The following PCDHGA3 variants were observed in gnomAD, a reference collection of about 807,000 sequenced individuals.
The protein encoded by PCDHGA3 is protocadherin gamma-A3.
Under a neutral mutation model 58.5 loss-of-function variants are expected in PCDHGA3, and 40 were observed. That is an observed-to-expected ratio of 0.68 (90% CI 0.53 to 0.89). The LOEUF is 0.89. PCDHGA3 is among the 40% of genes least tolerant of loss of function. PCDHGA3 has a pLI of 0.00. For synonymous variants in PCDHGA3, 530 were observed against 525.7 expected, an observed-to-expected ratio of 1.01 and a Z score of -0.11; for missense variants, 1,223 against 1,195.9, an observed-to-expected ratio of 1.02 and a Z score of -0.33.
chr5:141,425,661 C>A (rs993314865), intron 1 of PCDHGA3, among the ~76,000 whole-genome samples: 5 of 152,184 alleles, frequency 3.3e-5, no homozygotes, highest in Admixed American at 3.3e-4. Context: ...ATTATCTGCA[C>A]ATCAGATTGA....
intron 2 of PCDHGA3, among the ~76,000 whole-genome samples, chr5:141,504,118 G>A (rs948008198): frequency 6.6e-6 from 1 of 152,096 alleles, no homozygotes; most frequent in African/African-American, 2.4e-5. Flanking sequence ...GTGTGCCAGG[G>A]CTGTTTCCCG....
intron 1 of PCDHGA3, among the ~76,000 whole-genome samples, chr5:141,347,366 G>A (rs1187902302): frequency 6.6e-6 from 1 of 151,858 alleles, no homozygotes; most frequent in Non-Finnish European, 1.5e-5. Flanking sequence ...TGTTTCCCAG[G>A]CTGGTCTGAA....
At position 141,344,909 on chromosome 5, in the gene PCDHGA3, C is replaced by A. The variant is rs267600448; in HGVS notation, c.876C>A (p.Phe292Leu). The change falls in exon 1 of 4, where the codon TTC (phenylalanine) becomes TTA (leucine). Residue 292 changes from phenylalanine to leucine, a missense_variant. Transcript: ENST00000253812. ...TGCCTGGGAAAATCGCTGAGATTTT[C>A]CATCTTAACTCAGTGAGTGGAGAAG... ...DKMPGKIAEIFHLNSVSGEVS... is the reference protein window; with the variant it reads ...DKMPGKIAEILHLNSVSGEVS... 7 of 1,613,816 alleles carry A rather than the reference C, an allele frequency of 4.3e-6. No individual in the cohort carries two copies. The East Asian group carries it at 1.3e-4, about 31-fold the overall frequency.
chr5:141,478,202 C>T, intron 1 of PCDHGA3: 1 of 1,614,074 alleles, frequency 6.2e-7, no homozygotes, highest in Non-Finnish European at 8.5e-7. Flanking sequence ...TTATCTACTT[C>T]TTTCTCTAAT....
chr5:141,361,926 C>T, intron 1 of PCDHGA3: 1 of 1,607,688 alleles, frequency 6.2e-7, no homozygotes, highest in Non-Finnish European at 8.5e-7. Flanking sequence ...TGGACGCAGA[C>T]TCAGGACACA....
chr5:141,399,346 GACCGAGAGCAA>G, intron 1 of PCDHGA3: 1 of 1,613,890 alleles, frequency 6.2e-7, no homozygotes, highest in Non-Finnish European at 8.5e-7. Flanking sequence ...TGGAACCCTA[GACCGAGAGCAA>G]ACCCCGGAGT....
intron 1 of PCDHGA3, among the ~76,000 whole-genome samples, chr5:141,359,515 G>T (rs1048749535): frequency 6.7e-6 from 1 of 149,788 alleles, no homozygotes; most frequent in Non-Finnish European, 1.5e-5. Context: ...ACTATATTAT[G>T]GGCCACTAGA....
chr5:141,471,717 C>T (rs1196344901), intron 1 of PCDHGA3, among the ~76,000 whole-genome samples: 1 of 152,022 alleles, frequency 6.6e-6, no homozygotes, highest in Non-Finnish European at 1.5e-5. Flanking sequence ...GTGCCACTTA[C>T]CAGGTAAGGA....
intron 1 of PCDHGA3, chr5:141,364,345 T>C: frequency 6.5e-7 from 1 of 1,543,088 alleles, no homozygotes; most frequent in African/African-American, 1.4e-5. Context: ...CGAGTCCACC[T>C]AGGGGCTGGG....
rs930695301 is a variant in PCDHGA3, at chr5:141,472,874, T to C, written c.2425-21933T>C. On this transcript the variant is annotated intron_variant, in intron 1 of 3. Coordinates refer to ENST00000253812, the MANE Select transcript of PCDHGA3 (RefSeq NM_018916.4). ...GGTGGCACATGCCTGTATTCCCAGC[T>C]ACTCGGGAGGCTGAGGCAGGAGAAT... Among the ~76,000 whole-genome samples, 5 of 150,448 alleles carry C rather than the reference T, an allele frequency of 3.3e-5. No homozygotes were observed. In the Admixed American group the frequency reaches 3.3e-4, roughly 10 times the overall value.
At position 141,486,408 on chromosome 5, in the gene PCDHGA3, C is replaced by G; in HGVS notation, c.2425-8399C>G. The G allele has an allele frequency of 1.2e-6, 2 of 1,614,156 alleles. No homozygotes were observed. The highest frequency in any genetic ancestry group is 1.7e-6 in the Non-Finnish European group (2 of 1,180,014). Reference sequence around the variant, plus strand: ...CAGTTCTCCCTGGTGACTGCTGGACCCTTGGATCGAGAGGCCAAATCTAGC... The same window carrying G: ...CAGTTCTCCCTGGTGACTGCTGGACGCTTGGATCGAGAGGCCAAATCTAGC... On this transcript the variant is annotated intron_variant, in intron 1 of 3. Transcript: ENST00000253812. This position sits in a 1 kb window ranked among gnomAD's most constrained non-coding sequence, Gnocchi z 5.0.
At chr5:141,374,343 C>G (rs753543776) in intron 1 of PCDHGA3, 3 of 1,613,872 alleles carry the variant, frequency 1.9e-6, no homozygotes, top group African/African-American at 1.3e-5. Context: ...TTGGTCACCG[C>G]GGGTAGGATA....
At chr5:141,352,117 G>A (rs1437830305) in intron 1 of PCDHGA3, 3 of 1,608,576 alleles carry the variant, frequency 1.9e-6, no homozygotes, top group Admixed American at 3.4e-5. Flanking sequence ...GGTTGCGCAC[G>A]GGTGAGGTGC....
intron 1 of PCDHGA3, chr5:141,371,107 AC>A: frequency 6.2e-7 from 1 of 1,613,650 alleles, no homozygotes; most frequent in Non-Finnish European, 8.5e-7. Context: ...GCAAATGATA[AC>A]CCCCCAGTAT....
At chr5:141,394,545 G>A in intron 1 of PCDHGA3, 1 of 1,614,164 alleles carries the variant, frequency 6.2e-7, no homozygotes, top group South Asian at 1.1e-5. Flanking sequence ...CGTGGAGCTG[G>A]CGCCCCGCTC....
At chr5:141,350,352 T>C (rs1758454305) in intron 1 of PCDHGA3, 1 of 1,562,780 alleles carries the variant, frequency 6.4e-7, no homozygotes, top group Non-Finnish European at 8.7e-7. Context: ...TCCCAGCAGA[T>C]CCGATACACG....
At chr5:141,400,008 C>A (rs1395195387) in intron 1 of PCDHGA3, 1 of 1,612,692 alleles carries the variant, frequency 6.2e-7, no homozygotes, top group South Asian at 1.1e-5. Flanking sequence ...CAGCGCGTGC[C>A]TTGGGCGACA....
intron 1 of PCDHGA3, chr5:141,419,783 C>A: frequency 1.2e-6 from 2 of 1,614,070 alleles, no homozygotes; most frequent in Non-Finnish European, 1.7e-6. Context: ...CCGCCAGCGC[C>A]TGCTAGTCGC....
intron 1 of PCDHGA3, chr5:141,352,529 G>T: frequency 6.2e-7 from 1 of 1,613,988 alleles, no homozygotes; most frequent in Non-Finnish European, 8.5e-7. Context: ...CTCTCATTCT[G>T]CAAAGACAGA....
Sources: gnomAD v4.1 joint callset for allele counts (sites outside exome capture counted in the v4.1 genomes callset) on GRCh38, gnomAD v4.1.1 for gene constraint, Gnocchi (gnomAD v3.1) non-coding constraint, MANE v1.5 for transcripts, NCBI Gene and HGNC (gene_info 2026-07-23, HGNC 2026-07-21) for gene names.